Variants in PRKCA observed in about 807,000 individuals in gnomAD.
PRKCA encodes protein kinase C alpha.
Under a neutral mutation model 87.0 loss-of-function variants are expected in PRKCA, and 27 were observed. That is an observed-to-expected ratio of 0.31 (90% confidence interval 0.23 to 0.43). PRKCA has a LOEUF of 0.43. PRKCA is among the 20% of genes least tolerant of loss of function. The pLI is 1.00. For synonymous variants in PRKCA, 329 were observed against 311.1 expected (o/e 1.06, Z -0.61); for missense variants, 518 against 852.3 (o/e 0.61, Z 4.88).
chr17:66,364,204 T>G (rs1221086740), intron 2 of PRKCA: 2 of 151,876 alleles, frequency 1.3e-5, no homozygotes, highest in African/African-American at 4.8e-5. Flanking sequence ...CTGAGGGAGG[T>G]GTGAACCTAC....
At chr17:66,312,932 T>G (rs2143153819) in intron 2 of PRKCA, among the ~76,000 whole-genome samples, 1 of 151,804 alleles carries the variant, frequency 6.6e-6, no homozygotes, top group East Asian at 1.9e-4. Flanking sequence ...AGAGACGGGG[T>G]GTCGCCATGT....
chr17:66,623,684 TAAAC>T (rs1414220993), intron 3 of PRKCA, among the ~76,000 whole-genome samples: 2 of 152,066 alleles, frequency 1.3e-5, no homozygotes, highest in East Asian at 3.9e-4. Flanking sequence ...AAGTTGAATT[TAAAC>T]AAAAATGGAA....
At chr17:66,478,140 C>A (rs552912936) in intron 2 of PRKCA, among the ~76,000 whole-genome samples, 2 of 152,288 alleles carry the variant, frequency 1.3e-5, no homozygotes, top group South Asian at 2.1e-4. Flanking sequence ...AGATAAGAGG[C>A]AGAGAGTTGC....
At chr17:66,353,640 C>T (rs1285394155) in intron 2 of PRKCA, among the ~76,000 whole-genome samples, 7 of 152,258 alleles carry the variant, frequency 4.6e-5, no homozygotes, top group South Asian at 2.1e-4. Context: ...TGCTTGAACC[C>T]GGGAGGCGGA....
intron 13 of PRKCA, among the ~76,000 whole-genome samples, chr17:66,747,794 C>G (rs1206285001): frequency 6.6e-6 from 1 of 152,210 alleles, no homozygotes; most frequent in East Asian, 1.9e-4. Context: ...CAGCTGTTAT[C>G]CCCAGGGAGA....
intron 8 of PRKCA, among the ~76,000 whole-genome samples, chr17:66,718,215 T>G (rs1222004906): frequency 6.6e-6 from 1 of 152,192 alleles, no homozygotes; most frequent in African/African-American, 2.4e-5. Context: ...GCAGGTGAGG[T>G]GTCTGGTGAA....
intron 2 of PRKCA, among the ~76,000 whole-genome samples, chr17:66,445,154 C>T (rs986828184): frequency 2.0e-5 from 3 of 152,162 alleles, no homozygotes; most frequent in Admixed American, 6.5e-5. Flanking sequence ...ATCCCCCCTA[C>T]GGTGGGACTT....
At chr17:66,451,343 A>AATTTATTT (rs60875203) in intron 2 of PRKCA, among the ~76,000 whole-genome samples, 5,334 of 144,932 alleles carry the variant, frequency 0.037, 121 homozygotes, top group East Asian at 0.085. Flanking sequence ...ACGGAGTTAG[A>AATTTATTT]ATTTATTTAT....
At position 66,803,752 on chromosome 17, in the gene PRKCA, CTCCTCCTAACCAGCCCGGAGT is replaced by C; in HGVS notation, c.1855-117_1855-97del. ...TAGGCCTGCAAGTCCTCCGAGATTC[CTCCTCCTAACCAGCCCGGAGT>C]TCCCCAGGGCCGTGCCCCTCCCCAG... On this transcript the variant is annotated intron_variant, in intron 16 of 16. Coordinates refer to ENST00000413366, the MANE Select transcript of PRKCA (RefSeq NM_002737.3). The surrounding 1 kb of genome is among the most constrained non-coding windows in gnomAD (Gnocchi z 4.4). 7.3e-7 allele frequency: 1 copy of C among 1,373,902 alleles called. No individual in the cohort carries two copies. The highest frequency in any genetic ancestry group is 2.4e-5 in the Admixed American group (1 of 41,446). The allele number at this position is 1,373,902 out of a possible 1,614,324, so 85.1% of individuals were successfully genotyped here.
rs1156956693 is a variant in PRKCA, at chr17:66,302,737, C to A, written c.-115C>A. ...CTCGCCGCGACCTCGGCCACCGGCCCGCGCCCCGCGCCCGGGGTCGCCCCG... is the reference window on the plus strand; with the variant it reads ...CTCGCCGCGACCTCGGCCACCGGCCAGCGCCCCGCGCCCGGGGTCGCCCCG... On this transcript the variant is annotated 5_prime_UTR_variant, in exon 1 of 17. Transcript: ENST00000413366. 3 of 778,746 alleles carry A rather than the reference C, an allele frequency of 3.9e-6. No homozygotes were observed. Among genetic ancestry groups the A allele is most frequent in the Non-Finnish European group, 4.8e-6 (3 of 629,776 alleles). 48.2% of individuals were successfully genotyped at this position (778,746 alleles called of 1,614,324 possible).
At chr17:66,603,332 T>C (rs1305890551) in intron 3 of PRKCA, among the ~76,000 whole-genome samples, 1 of 152,142 alleles carries the variant, frequency 6.6e-6, no homozygotes, top group Admixed American at 6.6e-5. Context: ...ATGCTTCATG[T>C]GAATTGTTCC....
intron 3 of PRKCA, among the ~76,000 whole-genome samples, chr17:66,571,222 C>A (rs1339376659): frequency 6.6e-6 from 1 of 152,142 alleles, no homozygotes; most frequent in African/African-American, 2.4e-5. Context: ...ATTCCTAATC[C>A]CTATCATCTT....
At chr17:66,465,656 C>T (rs940737679) in intron 2 of PRKCA, among the ~76,000 whole-genome samples, 2 of 152,022 alleles carry the variant, frequency 1.3e-5, no homozygotes, top group Non-Finnish European at 2.9e-5. Flanking sequence ...ACCTTGGCCC[C>T]TCAAAAGTGT....
chr17:66,595,898 T>C (rs189315823), intron 3 of PRKCA, among the ~76,000 whole-genome samples: 8 of 152,280 alleles, frequency 5.3e-5, no homozygotes, highest in Non-Finnish European at 8.8e-5. Context: ...ACCGATCCCA[T>C]GTTGTGTTGA....
At chr17:66,612,823 T>C (rs1302260617) in intron 3 of PRKCA, among the ~76,000 whole-genome samples, 1 of 152,106 alleles carries the variant, frequency 6.6e-6, no homozygotes, top group Non-Finnish European at 1.5e-5. Flanking sequence ...GAAGAAAACC[T>C]TTTTTCTCTT....
chr17:66,697,993 T>G, intron 8 of PRKCA, among the ~76,000 whole-genome samples: 1 of 152,016 alleles, frequency 6.6e-6, no homozygotes, highest in East Asian at 1.9e-4. Context: ...GCATGCAAAG[T>G]CAAGAATTAG....
chr17:66,337,270 G>A (rs562110233), intron 2 of PRKCA, among the ~76,000 whole-genome samples: 26 of 152,248 alleles, frequency 1.7e-4, no homozygotes, highest in Non-Finnish European at 3.1e-4. Flanking sequence ...AATAGATATC[G>A]TTGGTGATCC....
intron 2 of PRKCA, among the ~76,000 whole-genome samples, chr17:66,422,104 A>C (rs560035862): frequency 6.6e-6 from 1 of 151,930 alleles, no homozygotes; most frequent in Non-Finnish European, 1.5e-5. Context: ...ATCTCTTCTC[A>C]TAAAGATCCC....
chr17:66,343,895 A>G (rs1451104216), intron 2 of PRKCA, among the ~76,000 whole-genome samples: 1 of 152,050 alleles, frequency 6.6e-6, no homozygotes, highest in Admixed American at 6.5e-5. Context: ...TTTAAAATTG[A>G]TAGCACCATG....
Sources: gnomAD v4.1 joint callset for allele counts (sites outside exome capture counted in the v4.1 genomes callset) on GRCh38, gnomAD v4.1.1 for gene constraint, Gnocchi (gnomAD v3.1) non-coding constraint, MANE v1.5 for transcripts, NCBI Gene and HGNC (gene_info 2026-07-23, HGNC 2026-07-21) for gene names.